CREB3L2: variants seen among roughly 807,000 people sequenced by gnomAD.
CREB3L2 encodes cAMP responsive element binding protein 3 like 2, also known as cyclic AMP-responsive element-binding protein 3-like protein 2.
CREB3L2 carries 23 observed loss-of-function variants against 57.2 expected under a neutral mutation model. The observed-to-expected ratio is 0.40, with a 90% CI of 0.29 to 0.57. CREB3L2 has a LOEUF of 0.57. CREB3L2 is among the 20% of genes least tolerant of loss of function. The probability of loss-of-function intolerance (pLI) is 0.42; values close to 1 mark genes in which losing one functional copy is unlikely to be tolerated. For synonymous variants in CREB3L2, 268 were observed against 265.1 expected (o/e 1.01, Z -0.11); for missense variants, 628 against 634.7 (o/e 0.99, Z 0.11).
intron 1 of CREB3L2, among the ~76,000 whole-genome samples, chr7:137,984,937 C>T (rs902760250): frequency 1.3e-5 from 2 of 152,212 alleles, no homozygotes; most frequent in African/African-American, 4.8e-5. Context: ...AGCTTGTCAG[C>T]CTCAATAGCT....
chr7:137,996,505 C>T (rs1337068392), intron 1 of CREB3L2, among the ~76,000 whole-genome samples: 1 of 152,232 alleles, frequency 6.6e-6, no homozygotes, highest in East Asian at 1.9e-4. Context: ...GGTGCCCCTT[C>T]AGAACCTGGC....
intron 1 of CREB3L2, chr7:137,956,731 G>C: frequency 1.0e-6 from 1 of 967,194 alleles, no homozygotes; most frequent in Non-Finnish European, 1.4e-6. Context: ...TGAATTCTTT[G>C]AGTTGGGCAA....
intron 3 of CREB3L2, 36 bp from the exon 4 acceptor site, chr7:137,913,114 C>T (rs1271130507): frequency 6.2e-7 from 1 of 1,600,892 alleles, no homozygotes; most frequent in African/African-American, 1.3e-5. Context: ...TTTTAAAAAC[C>T]AATCACAGCC....
intron 2 of CREB3L2, among the ~76,000 whole-genome samples, chr7:137,917,433 G>A (rs1374134387): frequency 6.6e-6 from 1 of 152,158 alleles, no homozygotes; most frequent in African/African-American, 2.4e-5. Context: ...CTAAAATGAG[G>A]CTAAAATAAA....
rs1230232218 is a variant in CREB3L2 at position 137,974,550 on chromosome 7, T to TG, written c.102+27053dup. Among the ~76,000 whole-genome samples the TG allele has an allele frequency of 4.6e-5, 7 of 152,182 alleles. No homozygotes were observed. The East Asian group carries it at 1.4e-3, about 29-fold the overall frequency. On this transcript the variant is annotated intron_variant, in intron 1 of 11. Transcript: ENST00000330387. ...TCTTTGAAAAGATTTCTCTTAAACT[T>TG]GGGGATGACACGAAAGAGAGAGAAG...
At chr7:137,890,396 C>CA (rs1267033112) in intron 8 of CREB3L2, among the ~76,000 whole-genome samples, 3 of 152,064 alleles carry the variant, frequency 2.0e-5, no homozygotes, top group Non-Finnish European at 4.4e-5. Flanking sequence ...TGTGAAACAC[C>CA]AAAAAAGCTG....
chr7:137,896,378 C>G (rs6973841), intron 8 of CREB3L2, among the ~76,000 whole-genome samples: 1 of 148,724 alleles, frequency 6.7e-6, no homozygotes, highest in East Asian at 1.9e-4. Flanking sequence ...CTCGGCTCAC[C>G]GTAACCTCCG....
At chr7:137,902,063 G>T (rs760884450) in intron 7 of CREB3L2, among the ~76,000 whole-genome samples, 2 of 150,854 alleles carry the variant, frequency 1.3e-5, no homozygotes, top group Non-Finnish European at 1.5e-5. Flanking sequence ...GCATGGTGGT[G>T]TGTGCCTGTA....
intron 1 of CREB3L2, among the ~76,000 whole-genome samples, chr7:137,931,013 G>A (rs1800603582): frequency 6.6e-6 from 1 of 151,136 alleles, no homozygotes; most frequent in South Asian, 2.1e-4. Context: ...AAGAGGATCA[G>A]TTGAGCCCAG....
At chr7:137,964,451 C>T (rs994997845) in intron 1 of CREB3L2, among the ~76,000 whole-genome samples, 25 of 152,186 alleles carry the variant, frequency 1.6e-4, no homozygotes, top group African/African-American at 5.5e-4. Context: ...TGTTTTCCTC[C>T]GTGTTTAGCC....
chr7:137,993,779 T>TA (rs897302465), intron 1 of CREB3L2, among the ~76,000 whole-genome samples: 4 of 152,222 alleles, frequency 2.6e-5, no homozygotes, highest in African/African-American at 7.2e-5. Flanking sequence ...ATCAAGCACT[T>TA]ACGATTCTCT....
At chr7:137,963,228 C>G (rs1401483390) in intron 1 of CREB3L2, among the ~76,000 whole-genome samples, 4 of 152,244 alleles carry the variant, frequency 2.6e-5, no homozygotes, top group Admixed American at 1.3e-4. Flanking sequence ...TCCGGAGGCT[C>G]TAAGCCAGAA....
intron 1 of CREB3L2, among the ~76,000 whole-genome samples, chr7:137,939,806 T>C (rs553323132): frequency 1.3e-5 from 2 of 152,278 alleles, no homozygotes; most frequent in South Asian, 2.1e-4. Context: ...GTCTAGACTC[T>C]ACCCCCGCAA....
intron 11 of CREB3L2, among the ~76,000 whole-genome samples, chr7:137,881,713 C>T (rs959131227): frequency 3.3e-5 from 5 of 152,188 alleles, no homozygotes; most frequent in South Asian, 4.1e-4. Context: ...CCATGTCACA[C>T]GTAACCAGGA....
At chr7:137,958,521 A>G (rs1801260635) in intron 1 of CREB3L2, among the ~76,000 whole-genome samples, 1 of 152,176 alleles carries the variant, frequency 6.6e-6, no homozygotes. Flanking sequence ...AGAAAGAAAG[A>G]AAGAAAAGAA....
intron 1 of CREB3L2, among the ~76,000 whole-genome samples, chr7:137,939,730 G>A (rs1237049373): frequency 6.6e-6 from 1 of 152,190 alleles, no homozygotes; most frequent in African/African-American, 2.4e-5. Context: ...AGACTGGGAT[G>A]CTGAAAGCAG....
rs1445035163 is a variant in CREB3L2 at position 137,876,446 on chromosome 7, C to T, written c.*4030G>A. ...ACTATTATTAATGTTTCCTCAATCC[C>T]TTCTATTCCCCAATATTCCCTAGGG... is the stretch of plus-strand genomic sequence containing the variant. On this transcript the variant is annotated 3_prime_UTR_variant, in exon 12 of 12. Coordinates refer to ENST00000330387, the MANE Select transcript of CREB3L2 (RefSeq NM_194071.4). 4.3e-6 allele frequency: 1 copy of T among 232,060 alleles called. No homozygotes were observed. The highest frequency in any genetic ancestry group is 8.5e-6 in the Non-Finnish European group (1 of 117,608). The allele number at this position is 232,060 out of a possible 1,614,324, so 14.4% of individuals were successfully genotyped here. A position where few individuals can be genotyped will look rare whatever the true frequency, so the allele number is the denominator to read the frequency against.
At chr7:137,930,259 A>G (rs547950972) in intron 1 of CREB3L2, among the ~76,000 whole-genome samples, 2 of 152,348 alleles carry the variant, frequency 1.3e-5, no homozygotes, top group East Asian at 1.9e-4. Flanking sequence ...CCTTCTTAAC[A>G]TTCTCTGAAT....
intron 1 of CREB3L2, among the ~76,000 whole-genome samples, chr7:137,981,803 C>T (rs571599712): frequency 3.3e-5 from 5 of 152,140 alleles, no homozygotes; most frequent in Non-Finnish European, 7.3e-5. Context: ...GACAGCCACT[C>T]GTTTCATGTA....
Sources: gnomAD v4.1 joint callset for allele counts (sites outside exome capture counted in the v4.1 genomes callset) on GRCh38, gnomAD v4.1.1 for gene constraint, MANE v1.5 for transcripts, NCBI Gene and HGNC (gene_info 2026-07-23, HGNC 2026-07-21) for gene names.